Variants in NTM observed in about 807,000 individuals in gnomAD.
The protein encoded by NTM is IgLON family member 2.
Under a neutral mutation model 42.1 loss-of-function variants are expected in NTM, and 13 were observed. The observed-to-expected ratio is 0.31, with a 90% confidence interval of 0.20 to 0.49. The LOEUF (loss-of-function observed/expected upper bound fraction) is 0.49. NTM is among the 20% of genes least tolerant of loss of function. The probability of loss-of-function intolerance (pLI) is 0.99; values close to 1 mark genes in which losing one functional copy is unlikely to be tolerated. For synonymous variants in NTM, 187 were observed against 179.2 expected, an observed-to-expected ratio of 1.04 and a Z score of -0.35; for missense variants, 373 against 452.8, an observed-to-expected ratio of 0.82 and a Z score of 1.60.
chr11:132,272,368 G>A (rs2093523378), intron 4 of NTM, among the ~76,000 whole-genome samples: 1 of 152,052 alleles, frequency 6.6e-6, no homozygotes, highest in South Asian at 2.1e-4. Flanking sequence ...TAGGACCCTT[G>A]AATTGCCATA....
chr11:131,480,431 C>T (rs987877846), intron 1 of NTM, among the ~76,000 whole-genome samples: 11 of 152,170 alleles, frequency 7.2e-5, no homozygotes, highest in Admixed American at 7.2e-4. Context: ...TCATACAGAC[C>T]CCCCACCTCC....
intron 1 of NTM, chr11:131,794,777 A>G: frequency 1.0e-6 from 1 of 985,428 alleles, no homozygotes; most frequent in Non-Finnish European, 1.2e-6. Flanking sequence ...CACCATGTGA[A>G]AAGCATTCAT....
intron 3 of NTM, among the ~76,000 whole-genome samples, chr11:132,201,984 G>C (rs1194821475): frequency 2.6e-5 from 4 of 152,124 alleles, no homozygotes; most frequent in Non-Finnish European, 2.9e-5. Flanking sequence ...TCTCCCATGA[G>C]GAATAATATT....
intron 1 of NTM, among the ~76,000 whole-genome samples, chr11:131,654,217 G>C (rs186354591): frequency 1.3e-5 from 2 of 152,178 alleles, no homozygotes. Context: ...GAGGTCGTCT[G>C]CCTTTTCTTT....
intron 1 of NTM, among the ~76,000 whole-genome samples, chr11:131,616,379 G>T (rs10791157): frequency 0.3 from 45,941 of 152,076 alleles, 8,036 homozygotes; most frequent in South Asian, 0.42. Context: ...GGAAATGACC[G>T]CGGACGGAGG....
intron 1 of NTM, among the ~76,000 whole-genome samples, chr11:131,547,627 G>A (rs558840375): frequency 6.6e-6 from 1 of 152,288 alleles, no homozygotes; most frequent in East Asian, 1.9e-4. Context: ...GGTAGTTTCT[G>A]TTGATTAGGT....
chr11:132,279,681 C>A (rs917343385), intron 4 of NTM, among the ~76,000 whole-genome samples: 1 of 152,140 alleles, frequency 6.6e-6, no homozygotes, highest in African/African-American at 2.4e-5. Flanking sequence ...CTTTAAAAAT[C>A]TCAGCTTAAG....
In NTM at chr11:131,853,037, C is replaced by T. The variant is rs554026787; in HGVS notation, c.83-58527C>T. On this transcript the variant is annotated intron_variant, in intron 1 of 8. Transcript: ENST00000683400. Reference sequence around the variant, plus strand: ...TTTATTCTCCCACGCACCCATCCACCCATCCATCCATGCATCCATTCACTC... The same window carrying T: ...TTTATTCTCCCACGCACCCATCCACTCATCCATCCATGCATCCATTCACTC... Among the ~76,000 whole-genome samples, 10 of 152,072 alleles carry T rather than the reference C, an allele frequency of 6.6e-5. No homozygotes were observed. In the East Asian group the frequency reaches 1.9e-3, roughly 30 times the overall value.
chr11:131,753,504 A>C (rs2082851935), intron 1 of NTM, among the ~76,000 whole-genome samples: 1 of 151,946 alleles, frequency 6.6e-6, no homozygotes, highest in African/African-American at 2.4e-5. Context: ...AATGTCCAAC[A>C]ATGATAGACT....
intron 2 of NTM, among the ~76,000 whole-genome samples, chr11:131,949,686 C>A (rs568822777): frequency 6.6e-6 from 1 of 152,226 alleles, no homozygotes; most frequent in African/African-American, 2.4e-5. Flanking sequence ...TCCTGAGTCA[C>A]GAAAAATGTC....
intron 1 of NTM, among the ~76,000 whole-genome samples, chr11:131,457,155 T>A (rs1274702252): frequency 1.3e-5 from 2 of 152,080 alleles, no homozygotes; most frequent in Non-Finnish European, 2.9e-5. Context: ...TCCTCCAGGA[T>A]CCAAGTGACA....
At chr11:131,617,311 C>A (rs374733625) in intron 1 of NTM, among the ~76,000 whole-genome samples, 1 of 151,968 alleles carries the variant, frequency 6.6e-6, no homozygotes, top group Admixed American at 6.6e-5. Flanking sequence ...GTACACTTTG[C>A]GGAAAGAAAA....
intron 2 of NTM, among the ~76,000 whole-genome samples, chr11:132,037,726 T>A (rs2076680745): frequency 6.6e-6 from 1 of 152,198 alleles, no homozygotes; most frequent in Non-Finnish European, 1.5e-5. Context: ...CCTACTTCCC[T>A]CCAATGAAAA....
At chr11:131,472,128 G>T (rs1952494299) in intron 1 of NTM, among the ~76,000 whole-genome samples, 1 of 152,166 alleles carries the variant, frequency 6.6e-6, no homozygotes, top group Non-Finnish European at 1.5e-5. Context: ...CTGTAATTGA[G>T]TCTCTTCTTT....
intron 1 of NTM, among the ~76,000 whole-genome samples, chr11:131,655,938 C>T (rs1439532882): frequency 3.3e-5 from 5 of 152,340 alleles, no homozygotes; most frequent in African/African-American, 1.2e-4. Context: ...CACCATTGAA[C>T]CTGTGCCCTA....
chr11:131,631,001 C>G (rs1012648006), intron 1 of NTM, among the ~76,000 whole-genome samples: 6 of 152,164 alleles, frequency 3.9e-5, no homozygotes, highest in African/African-American at 1.4e-4. Context: ...CAATGGCCAG[C>G]CAGCTTTTCA....
intron 1 of NTM, among the ~76,000 whole-genome samples, chr11:131,633,570 TACCTCTC>T (rs2063891030): frequency 2.7e-5 from 4 of 147,268 alleles, no homozygotes; most frequent in Admixed American, 6.7e-5. Context: ...TCTCTCTCTC[TACCTCTC>T]CATCTCTCTC....
chr11:132,183,616 T>G (rs1008710142), intron 3 of NTM, among the ~76,000 whole-genome samples: 4 of 151,926 alleles, frequency 2.6e-5, no homozygotes, highest in African/African-American at 7.2e-5. Flanking sequence ...ACAACACAAG[T>G]GTCATCTGAA....
Position 132,092,406 on chromosome 11 carries a change from A to G in NTM, c.168-53876A>G, listed in dbSNP as rs532728189. ...CACTGGCTCTGCTCTTGTTCTTTCC[A>G]AGGGGGAACTTTGCACTTGACCCAC... On this transcript the variant is annotated intron_variant, in intron 2 of 8. Transcript: ENST00000683400. Among the ~76,000 whole-genome samples the G allele has an allele frequency of 3.3e-5, 5 of 152,176 alleles. No individual in the cohort carries two copies. The East Asian group carries it at 7.7e-4, about 24-fold the overall frequency.
Sources: allele counts gnomAD v4.1 joint callset (sites outside exome capture counted in the v4.1 genomes callset), GRCh38; gene constraint gnomAD v4.1.1; transcripts MANE v1.5; gene names NCBI Gene and HGNC (gene_info 2026-07-23, HGNC 2026-07-21).